The following MAGI2 variants were observed in gnomAD, a reference collection of about 807,000 sequenced individuals.
The protein encoded by MAGI2 is membrane-associated guanylate kinase, WW and PDZ domain-containing protein 2.
MAGI2 carries 35 observed loss-of-function variants against 133.3 expected under a neutral mutation model. The ratio of observed to expected loss-of-function variants is 0.26; its 90% confidence interval spans 0.20 to 0.35. The LOEUF (loss-of-function observed/expected upper bound fraction) is 0.35, where lower values mean the gene tolerates loss of function less well. Ranked by LOEUF, MAGI2 falls within the 10% of genes least tolerant of loss-of-function variation. The pLI is 1.00. For missense variants in MAGI2, 1,636 were observed against 1,863.4 expected, an observed-to-expected ratio of 0.88 and a Z score of 2.25; for synonymous variants, 729 against 710.6, an observed-to-expected ratio of 1.03 and a Z score of -0.41.
At chr7:78,271,426 G>T (rs1043177960) in intron 9 of MAGI2, among the ~76,000 whole-genome samples, 1 of 152,072 alleles carries the variant, frequency 6.6e-6, no homozygotes, top group Non-Finnish European at 1.5e-5. Context: ...TTTTTTGGTT[G>T]TGTCTCTGCC....
chr7:78,740,852 T>C (rs889573158), intron 2 of MAGI2, among the ~76,000 whole-genome samples: 1 of 152,160 alleles, frequency 6.6e-6, no homozygotes, highest in Non-Finnish European at 1.5e-5. Context: ...TCTCAAAAGT[T>C]TTTAGTCACA....
chr7:78,067,501 G>A (rs562911624), intron 21 of MAGI2, among the ~76,000 whole-genome samples: 1 of 152,224 alleles, frequency 6.6e-6, no homozygotes, highest in Admixed American at 6.5e-5. Context: ...CTCTTGAAGA[G>A]TGCATGCTGA....
At chr7:79,126,558 A>G (rs1379305406) in intron 1 of MAGI2, among the ~76,000 whole-genome samples, 1 of 152,186 alleles carries the variant, frequency 6.6e-6, no homozygotes, top group African/African-American at 2.4e-5. Flanking sequence ...ATGACACAGT[A>G]TCAGTCCTGG....
intron 6 of MAGI2, among the ~76,000 whole-genome samples, chr7:78,451,814 T>A (rs919727558): frequency 4.6e-5 from 7 of 152,096 alleles, no homozygotes; most frequent in African/African-American, 1.7e-4. Context: ...CACAAATATA[T>A]GTTGTATCAT....
In MAGI2 at chr7:78,984,780, C is replaced by T. The variant is rs548689919; in HGVS notation, c.418+22310G>A. Among the ~76,000 whole-genome samples the T allele has an allele frequency of 2.0e-4, 30 of 152,062 alleles. No homozygotes were observed. In the South Asian group the frequency reaches 6.2e-3, roughly 32 times the overall value. On this transcript the variant is annotated intron_variant, in intron 2 of 21. Coordinates refer to ENST00000354212, the MANE Select transcript of MAGI2 (RefSeq NM_012301.4). Reference sequence around the variant, plus strand: ...TTCTTTGTAGCACTGATTTTCATTGCCAAATTATCTATTTTTCTGTTTATT... The same window carrying T: ...TTCTTTGTAGCACTGATTTTCATTGTCAAATTATCTATTTTTCTGTTTATT...
chr7:78,835,139 T>C (rs1791504487), intron 2 of MAGI2, among the ~76,000 whole-genome samples: 1 of 152,186 alleles, frequency 6.6e-6, no homozygotes. Context: ...ATGTTTAACT[T>C]TTTGAAGGAC....
At chr7:78,955,723 CTCTTTCTT>C (rs1158477695) in intron 2 of MAGI2, among the ~76,000 whole-genome samples, 6,038 of 82,340 alleles carry the variant, frequency 0.073, 205 homozygotes, top group Non-Finnish European at 0.083. Context: ...TTCTTTCTTT[CTCTTTCTT>C]TCTTTCTTTC....
intron 9 of MAGI2, among the ~76,000 whole-genome samples, chr7:78,271,642 G>A (rs1584655540): frequency 2.6e-5 from 4 of 152,156 alleles, no homozygotes; most frequent in Admixed American, 6.5e-5. Context: ...ACTTGGTATT[G>A]GTCTATTCAG....
chr7:78,937,657 C>G (rs1180058386), intron 2 of MAGI2, among the ~76,000 whole-genome samples: 1 of 151,998 alleles, frequency 6.6e-6, no homozygotes, highest in African/African-American at 2.4e-5. Flanking sequence ...TTATCACAAG[C>G]CAGTGGAAAA....
chr7:78,822,619 A>G (rs926657980), intron 2 of MAGI2, among the ~76,000 whole-genome samples: 64 of 152,176 alleles, frequency 4.2e-4, no homozygotes, highest in Non-Finnish European at 7.9e-4. Flanking sequence ...CTCAACATAT[A>G]TAATTAACTT....
chr7:78,020,036 C>T (rs1808202482), intron 21 of MAGI2, 60 bp from the exon 22 acceptor site: 2 of 1,436,114 alleles, frequency 1.4e-6, no homozygotes, highest in African/African-American at 2.9e-5. Context: ...CGTGCCCTCT[C>T]TACGCCGGGG....
intron 2 of MAGI2, among the ~76,000 whole-genome samples, chr7:78,707,283 A>G (rs1818751305): frequency 6.6e-6 from 1 of 152,190 alleles, no homozygotes; most frequent in Non-Finnish European, 1.5e-5. Context: ...TAAAAATTAT[A>G]TACCAAATCA....
At chr7:79,054,687 C>T (rs1812978266) in intron 1 of MAGI2, among the ~76,000 whole-genome samples, 1 of 152,180 alleles carries the variant, frequency 6.6e-6, no homozygotes, top group Non-Finnish European at 1.5e-5. Flanking sequence ...CATGTTTCTG[C>T]TTTTAGTCTC....
rs143471544 is a variant in MAGI2, at chr7:78,875,697, C to T, written c.418+131393G>A. 8.5e-5 allele frequency among the ~76,000 whole-genome samples: 13 copies of T among 152,082 alleles called. No individual in the cohort carries two copies. In the South Asian group the frequency reaches 2.5e-3, roughly 29 times the overall value. On this transcript the variant is annotated intron_variant, in intron 2 of 21. Coordinates refer to ENST00000354212, the MANE Select transcript of MAGI2 (RefSeq NM_012301.4). ...TTTCAACCCAAAATTACTAAATATG[C>T]AAAGAATGAGTAGTGACCCACATTA...
chr7:78,027,547 G>T (rs1019824710), intron 21 of MAGI2, among the ~76,000 whole-genome samples: 12 of 150,346 alleles, frequency 8.0e-5, no homozygotes, highest in Non-Finnish European at 1.6e-4. Flanking sequence ...AGAATCGCTT[G>T]AACCTGGGAG....
At chr7:78,857,317 C>T (rs964480582) in intron 2 of MAGI2, among the ~76,000 whole-genome samples, 1 of 152,162 alleles carries the variant, frequency 6.6e-6, no homozygotes, top group Non-Finnish European at 1.5e-5. Context: ...GAGAGGGCAT[C>T]CCTGTCTTGT....
At chr7:78,730,818 T>C (rs1242056062) in intron 2 of MAGI2, among the ~76,000 whole-genome samples, 3 of 152,100 alleles carry the variant, frequency 2.0e-5, no homozygotes, top group Non-Finnish European at 4.4e-5. Context: ...CTGAAGATAA[T>C]ATAACAAGAT....
intron 9 of MAGI2, among the ~76,000 whole-genome samples, chr7:78,273,671 T>G (rs954638896): frequency 6.6e-6 from 1 of 152,194 alleles, no homozygotes; most frequent in Non-Finnish European, 1.5e-5. Flanking sequence ...TCTTCTCGCT[T>G]TTTTTCATTG....
intron 18 of MAGI2, among the ~76,000 whole-genome samples, chr7:78,131,937 C>T (rs1029509832): frequency 1.3e-5 from 2 of 152,066 alleles, no homozygotes; most frequent in African/African-American, 4.8e-5. Context: ...GTAATGGGAA[C>T]GTTCTCAGCT....
Sources: allele counts gnomAD v4.1 joint callset (sites outside exome capture counted in the v4.1 genomes callset), GRCh38; gene constraint gnomAD v4.1.1; transcripts MANE v1.5; gene names NCBI Gene and HGNC (gene_info 2026-07-23, HGNC 2026-07-21).